The following LRP1B variants were observed in gnomAD, a reference collection of about 807,000 sequenced individuals.
The protein encoded by LRP1B is LDL receptor related protein 1B.
In LRP1B, 217 loss-of-function variants were observed where a neutral mutation model predicts 556.6. That is an observed-to-expected ratio of 0.39 (90% CI 0.35 to 0.44). The LOEUF is 0.44. LRP1B is among the 20% of genes least tolerant of loss of function. The pLI is 1.00. For synonymous variants in LRP1B, 2,047 were observed against 1,865.8 expected (o/e 1.10, Z -2.50); for missense variants, 5,053 against 5,620.8 (o/e 0.90, Z 3.23).
chr2:141,565,376 C>A (rs565350904), intron 2 of LRP1B, among the ~76,000 whole-genome samples: 1 of 152,222 alleles, frequency 6.6e-6, no homozygotes, highest in African/African-American at 2.4e-5. Flanking sequence ...TCTGTCCTTT[C>A]ATCTGAAGCC....
chr2:142,018,748 T>G (rs1328133035), intron 1 of LRP1B, among the ~76,000 whole-genome samples: 1 of 152,072 alleles, frequency 6.6e-6, no homozygotes, highest in East Asian at 1.9e-4. Context: ...ATTGCTGAAT[T>G]AGTATTTATA....
At chr2:141,154,135 T>C (rs1243665468) in intron 7 of LRP1B, among the ~76,000 whole-genome samples, 2 of 151,910 alleles carry the variant, frequency 1.3e-5, no homozygotes, top group Non-Finnish European at 2.9e-5. Flanking sequence ...TTCAGTTCAA[T>C]AGATTACAAG....
chr2:140,349,627 A>G (rs1010405378), intron 77 of LRP1B, among the ~76,000 whole-genome samples: 3 of 152,082 alleles, frequency 2.0e-5, no homozygotes, highest in African/African-American at 7.2e-5. Flanking sequence ...GAGGCCAGTA[A>G]GCAACAGGAA....
At chr2:141,631,744 C>T (rs962868844) in intron 2 of LRP1B, among the ~76,000 whole-genome samples, 18 of 152,042 alleles carry the variant, frequency 1.2e-4, no homozygotes, top group African/African-American at 4.1e-4. Context: ...CTTTGCTCTG[C>T]TTATTAAAGC....
At chr2:140,238,016 A>G (rs1240027454) in intron 89 of LRP1B, 136 bp downstream of exon 89, 3 of 626,008 alleles carry the variant, frequency 4.8e-6, no homozygotes, top group South Asian at 6.3e-5. Context: ...AGAAGAGGCT[A>G]TATCATTCAA....
At chr2:141,969,513 TTGTC>T (rs1701664178) in intron 1 of LRP1B, among the ~76,000 whole-genome samples, 1 of 151,682 alleles carries the variant, frequency 6.6e-6, no homozygotes, top group African/African-American at 2.4e-5. Flanking sequence ...CACACAGCAT[TTGTC>T]TTTCTGTGTC....
intron 41 of LRP1B, among the ~76,000 whole-genome samples, chr2:140,613,048 T>C (rs573668881): frequency 6.6e-6 from 1 of 151,332 alleles, no homozygotes; most frequent in Non-Finnish European, 1.5e-5. Flanking sequence ...TGATTACATA[T>C]GTTTTTGTTT....
At chr2:140,477,354 T>C (rs940152089) in intron 59 of LRP1B, among the ~76,000 whole-genome samples, 1 of 152,110 alleles carries the variant, frequency 6.6e-6, no homozygotes, top group Non-Finnish European at 1.5e-5. Flanking sequence ...TGTTATGTTT[T>C]TTAAGAATTG....
intron 41 of LRP1B, among the ~76,000 whole-genome samples, chr2:140,666,757 G>A (rs1391946224): frequency 3.9e-5 from 6 of 152,090 alleles, no homozygotes; most frequent in Admixed American, 3.9e-4. Context: ...GAATGTATTT[G>A]TCCATCTACA....
rs147551486 is a variant in LRP1B, at chr2:141,438,223, A to G, written c.343+42173T>C. 2.6e-4 allele frequency among the ~76,000 whole-genome samples: 40 copies of G among 152,100 alleles called. No individual in the cohort carries two copies. In the East Asian group the frequency reaches 4.2e-3, roughly 16 times the overall value. ...TGATTACGGAGTCTGTTCATCTATGACTTCATATCACTTTTTGTGTATCTG... is the reference window on the plus strand; with the variant it reads ...TGATTACGGAGTCTGTTCATCTATGGCTTCATATCACTTTTTGTGTATCTG... On this transcript the variant is annotated intron_variant, in intron 3 of 90. Transcript: ENST00000389484.
chr2:141,493,454 T>C (rs1467877906), intron 2 of LRP1B, among the ~76,000 whole-genome samples: 1 of 152,034 alleles, frequency 6.6e-6, no homozygotes, highest in Middle Eastern at 3.2e-3. Context: ...ACAGATGAAA[T>C]ATACTGTACA....
At chr2:140,972,704 T>A (rs1363161061) in intron 18 of LRP1B, among the ~76,000 whole-genome samples, 1 of 109,688 alleles carries the variant, frequency 9.1e-6, no homozygotes, top group Non-Finnish European at 2.0e-5. Context: ...AATTTTAAGA[T>A]AAACTTGTTA....
chr2:142,093,249 A>G (rs1010169167), intron 1 of LRP1B, among the ~76,000 whole-genome samples: 2 of 152,086 alleles, frequency 1.3e-5, no homozygotes, highest in East Asian at 1.9e-4. Context: ...CCTGAGAACA[A>G]GGCCAATTTT....
intron 2 of LRP1B, among the ~76,000 whole-genome samples, chr2:141,648,539 A>G (rs1352659549): frequency 1.3e-5 from 2 of 152,136 alleles, no homozygotes; most frequent in African/African-American, 4.8e-5. Flanking sequence ...ACAAATTGGC[A>G]TCTTATTTCT....
At chr2:140,363,412 T>C (rs190578975) in intron 72 of LRP1B, among the ~76,000 whole-genome samples, 99 of 151,700 alleles carry the variant, frequency 6.5e-4, no homozygotes, top group African/African-American at 2.2e-3. Flanking sequence ...ACATCAATTA[T>C]TGAAAATTTC....
intron 2 of LRP1B, among the ~76,000 whole-genome samples, chr2:141,581,245 T>G (rs1686949285): frequency 6.6e-6 from 1 of 152,170 alleles, no homozygotes; most frequent in Non-Finnish European, 1.5e-5. Context: ...TTCTGCTTAT[T>G]AGGATAATCT....
At chr2:140,752,532 C>G (rs530896508) in intron 35 of LRP1B, among the ~76,000 whole-genome samples, 65 of 152,060 alleles carry the variant, frequency 4.3e-4, no homozygotes, top group African/African-American at 1.4e-3. Flanking sequence ...GCCATATTGG[C>G]CAGGCTGGTC....
At chr2:140,934,173 T>C (rs1050278024) in intron 20 of LRP1B, among the ~76,000 whole-genome samples, 2 of 152,028 alleles carry the variant, frequency 1.3e-5, no homozygotes, top group Non-Finnish European at 2.9e-5. Flanking sequence ...AAATAATGCA[T>C]AGTTTTATTA....
At chr2:141,232,340 CA>C (rs1222733035) in intron 5 of LRP1B, among the ~76,000 whole-genome samples, 3 of 152,120 alleles carry the variant, frequency 2.0e-5, no homozygotes, top group African/African-American at 7.2e-5. Flanking sequence ...CTTCATTTGA[CA>C]ACTGAAATGA....
Sources: gnomAD v4.1 joint callset for allele counts (sites outside exome capture counted in the v4.1 genomes callset) on GRCh38, gnomAD v4.1.1 for gene constraint, MANE v1.5 for transcripts, NCBI Gene and HGNC (gene_info 2026-07-23, HGNC 2026-07-21) for gene names.